Variants in FANCB observed in about 807,000 individuals in gnomAD.
FANCB encodes the protein Fanconi anemia group B protein.
FANCB carries 5 observed loss-of-function variants against 38.9 expected under a neutral mutation model. The ratio of observed to expected loss-of-function variants is 0.13; its 90% CI spans 0.07 to 0.27. The LOEUF (loss-of-function observed/expected upper bound fraction) is 0.27, where lower values mean the gene tolerates loss of function less well. Ranked by LOEUF, FANCB falls within the 10% of genes least tolerant of loss-of-function variation. FANCB has a pLI of 1.00. For synonymous variants in FANCB, 236 were observed against 215.4 expected (o/e 1.10, Z -0.84); for missense variants, 573 against 602.7 (o/e 0.95, Z 0.52).
At chrX:14,782,333 C>T in the FANCB span, among the ~76,000 whole-genome samples, 1 of 111,954 alleles carries the variant, frequency 8.9e-6, no homozygotes, top group African/African-American at 3.2e-5. Flanking sequence ...GTTGTTTTGT[C>T]TGCGGGATTT....
chrX:14,838,466 T>C (rs2092346536), downstream of FANCB, among the ~76,000 whole-genome samples: 1 of 111,694 alleles, frequency 9.0e-6, no homozygotes, highest in African/African-American at 3.3e-5. Context: ...CATTTGGTCC[T>C]GGTCTCCTTC....
At chrX:14,730,200 C>T in the FANCB span, 1 of 1,188,649 alleles carries the variant, frequency 8.4e-7, no homozygotes. Flanking sequence ...TGTCTTTATT[C>T]CGTCAGGAAG....
At chrX:14,849,836 T>C (rs1203977701) in intron 7 of FANCB, among the ~76,000 whole-genome samples, 2 of 111,811 alleles carry the variant, frequency 1.8e-5, no homozygotes, top group Non-Finnish European at 3.8e-5. Flanking sequence ...AAAGAGATAC[T>C]TCTAGAGCTG....
the FANCB span, among the ~76,000 whole-genome samples, chrX:14,691,324 T>TGTGTGCGCGC: frequency 1.6e-5 from 1 of 64,345 alleles, no homozygotes; most frequent in African/African-American, 6.6e-5. Flanking sequence ...TGTGTGTGTG[T>TGTGTGCGCGC]GCGCGCGTGC....
At chrX:14,764,969 T>TA in the FANCB span, among the ~76,000 whole-genome samples, 1 of 112,324 alleles carries the variant, frequency 8.9e-6, no homozygotes, top group Admixed American at 9.4e-5. Context: ...GGTTGCCAGA[T>TA]AAAAAACAGA....
At chrX:14,761,272 G>A in the FANCB span, among the ~76,000 whole-genome samples, 1 of 110,704 alleles carries the variant, frequency 9.0e-6, no homozygotes, top group African/African-American at 3.3e-5. Flanking sequence ...CAAAGTGCTG[G>A]GATTACAGGC....
chrX:14,716,264 A>C, the FANCB span, among the ~76,000 whole-genome samples: 1 of 111,642 alleles, frequency 9.0e-6, no homozygotes, highest in African/African-American at 3.3e-5. Context: ...CAAATGTCCT[A>C]TCTCTTCATT....
At chrX:14,727,511 TA>T in the FANCB span, among the ~76,000 whole-genome samples, 3 of 112,144 alleles carry the variant, frequency 2.7e-5, no homozygotes, top group Non-Finnish European at 5.6e-5. Flanking sequence ...AGACTGCCTA[TA>T]ACAAGTCCCC....
At chrX:14,834,633 G>C, downstream of FANCB, 2 of 590,854 alleles carry the variant, frequency 3.4e-6, no homozygotes, top group East Asian at 3.3e-5. Flanking sequence ...TACAGAACTA[G>C]GTCCCTTTGG....
chrX:14,771,762 C>G, the FANCB span, among the ~76,000 whole-genome samples: 1 of 112,006 alleles, frequency 8.9e-6, no homozygotes, highest in Non-Finnish European at 1.9e-5. Flanking sequence ...TCTTTCTCAT[C>G]TTTGTGGGGT....
the FANCB span, among the ~76,000 whole-genome samples, chrX:14,694,702 C>T: frequency 8.9e-6 from 1 of 112,430 alleles, no homozygotes; most frequent in Non-Finnish European, 1.9e-5. Flanking sequence ...TTATTTACTT[C>T]TTACTATGTG....
chrX:14,831,907 A>G (rs1282746888), downstream of FANCB, among the ~76,000 whole-genome samples: 1 of 111,431 alleles, frequency 9.0e-6, no homozygotes, highest in Non-Finnish European at 1.9e-5. Flanking sequence ...AGCAACGAAG[A>G]TGAGGAAAAC....
the FANCB span, among the ~76,000 whole-genome samples, chrX:14,728,634 G>A: frequency 8.9e-6 from 1 of 111,907 alleles, no homozygotes; most frequent in South Asian, 3.8e-4. Context: ...GCCATGTTTA[G>A]GGCTGGCTTC....
chrX:14,770,468 T>C, the FANCB span, among the ~76,000 whole-genome samples: 1 of 111,977 alleles, frequency 8.9e-6, no homozygotes, highest in East Asian at 2.8e-4. Context: ...CCCTGCTTTT[T>C]TTCTGTTTTT....
At chrX:14,696,892 A>G in the FANCB span, among the ~76,000 whole-genome samples, 1 of 112,293 alleles carries the variant, frequency 8.9e-6, no homozygotes, top group East Asian at 2.8e-4. Context: ...GCTATTCAGA[A>G]CATAATGTTT....
At chrX:14,784,106 A>C in the FANCB span, among the ~76,000 whole-genome samples, 2 of 112,391 alleles carry the variant, frequency 1.8e-5, no homozygotes, top group Middle Eastern at 4.2e-3. Flanking sequence ...GTTACTTGGG[A>C]GGCTGAGACA....
the FANCB span, among the ~76,000 whole-genome samples, chrX:14,691,593 A>C: frequency 9.0e-6 from 1 of 111,280 alleles, no homozygotes; most frequent in Admixed American, 9.6e-5. Flanking sequence ...TATTTTAAAA[A>C]TCCCAAGCCT....
At chrX:14,734,552 C>T in the FANCB span, among the ~76,000 whole-genome samples, 1,374 of 111,715 alleles carry the variant, frequency 0.012, 10 homozygotes, top group Non-Finnish European at 0.018. Context: ...ATATTGGCCC[C>T]CACTCTCTTC....
At chrX:14,863,947 CA>C (rs2092457477) in intron 3 of FANCB, among the ~76,000 whole-genome samples, 1 of 111,344 alleles carries the variant, frequency 9.0e-6, no homozygotes, top group Non-Finnish European at 1.9e-5. Context: ...CCAGCCTGGC[CA>C]ACATGGTAAA....
Sources: gnomAD v4.1 joint callset for allele counts (sites outside exome capture counted in the v4.1 genomes callset) on GRCh38, gnomAD v4.1.1 for gene constraint, MANE v1.5 for transcripts, NCBI Gene and HGNC (gene_info 2026-07-23, HGNC 2026-07-21) for gene names.